Variants in GRIN2D observed in about 807,000 individuals in gnomAD.
GRIN2D encodes the protein glutamate ionotropic receptor NMDA type subunit 2D.
GRIN2D carries 37 observed loss-of-function variants against 103.2 expected under a neutral mutation model. That is an observed-to-expected ratio of 0.36 (90% CI 0.28 to 0.47). The LOEUF is 0.47. GRIN2D is among the 20% of genes least tolerant of loss of function. The probability of loss-of-function intolerance (pLI) is 1.00; values close to 1 mark genes in which losing one functional copy is unlikely to be tolerated. For missense variants in GRIN2D, 1,557 were observed against 1,910.6 expected (o/e 0.81, Z 3.45); for synonymous variants, 845 against 885.6 (o/e 0.95, Z 0.81).
At chr19:48,408,202 C>G (rs896727052) in intron 4 of GRIN2D, among the ~76,000 whole-genome samples, 14 of 151,784 alleles carry the variant, frequency 9.2e-5, no homozygotes, top group Admixed American at 8.5e-4. Context: ...GGCGTGGTGG[C>G]GGGCGCCTGT....
chr19:48,435,882 C>T (rs1024196510), intron 11 of GRIN2D, among the ~76,000 whole-genome samples: 1 of 152,210 alleles, frequency 6.6e-6, no homozygotes, highest in Non-Finnish European at 1.5e-5. Flanking sequence ...GTGCAATGCA[C>T]GGAATAAATG....
intron 4 of GRIN2D, among the ~76,000 whole-genome samples, chr19:48,412,714 G>T (rs996997483): frequency 6.6e-6 from 1 of 151,330 alleles, no homozygotes; most frequent in Non-Finnish European, 1.5e-5. Context: ...GCTTGAACCC[G>T]GGAGGCGGAG....
At position 48,393,674 on chromosome 19, in the gene GRIN2D, AG is replaced by A. The variant is rs1970591262; in HGVS notation, c.-499del. ...GGGACTGAATGTTAATCGCATCCCG[AG>A]TGAGTGTGTGTGTGCGAGAACACAG... On this transcript the variant is annotated 5_prime_UTR_variant, in exon 1 of 14. The change creates a new upstream start codon in the 5' untranslated region. Coordinates refer to ENST00000263269, the MANE Select transcript of GRIN2D (RefSeq NM_000836.4). This position sits in a 1 kb window ranked among gnomAD's most constrained non-coding sequence, Gnocchi z 5.6. Among the ~76,000 whole-genome samples, 3 of 149,590 alleles carry A rather than the reference AG, an allele frequency of 2.0e-5. No homozygotes were observed. The highest frequency in any genetic ancestry group is 2.0e-4 in the Admixed American group (3 of 15,166).
rs1365152338 is a variant in GRIN2D, at chr19:48,394,325, C to G, written c.-305-333C>G. 6.6e-6 allele frequency among the ~76,000 whole-genome samples: 1 copy of G among 150,974 alleles called. No individual in the cohort carries two copies. Among genetic ancestry groups the G allele is most frequent in the Non-Finnish European group, 1.5e-5 (1 of 67,784 alleles). The stretch of plus-strand genomic sequence containing the variant: ...GAGAGTGGGGGAGTCAAGGGGGGGT[C>G]TAGAGGTGGCCAAGCGAGGAAGGGG... On this transcript the variant is annotated intron_variant, in intron 1 of 13. Transcript: ENST00000263269. This position sits in a 1 kb window ranked among gnomAD's most constrained non-coding sequence, Gnocchi z 5.1.
At chr19:48,430,130 T>C (rs1053911846) in intron 11 of GRIN2D, among the ~76,000 whole-genome samples, 1 of 152,210 alleles carries the variant, frequency 6.6e-6, no homozygotes, top group Admixed American at 6.6e-5. Context: ...GTTATGACTA[T>C]GTAAATGCTC....
At chr19:48,416,528 T>C (rs540021399) in intron 8 of GRIN2D, among the ~76,000 whole-genome samples, 1 of 152,268 alleles carries the variant, frequency 6.6e-6, no homozygotes, top group Non-Finnish European at 1.5e-5. Context: ...TTTCCTGTAC[T>C]AGGTATGAGA....
chr19:48,441,738 T>C, intron 11 of GRIN2D, 31 bp from the exon 12 acceptor site: 2 of 1,583,896 alleles, frequency 1.3e-6, no homozygotes, highest in Middle Eastern at 1.7e-4. Flanking sequence ...TAGGTGGGAC[T>C]GACCCTACCC....
chr19:48,430,868 G>A (rs1321503876), intron 11 of GRIN2D, among the ~76,000 whole-genome samples: 4 of 143,196 alleles, frequency 2.8e-5, no homozygotes, highest in Admixed American at 2.2e-4. Context: ...CACTCAGGCT[G>A]GAGCACAGTG....
At position 48,443,913 on chromosome 19, in the gene GRIN2D, C is replaced by G; in HGVS notation, c.3987C>G (p.Phe1329Leu). The G allele has an allele frequency of 6.9e-7, 1 of 1,448,866 alleles. No individual in the cohort carries two copies. The highest frequency in any genetic ancestry group is 9.1e-7 in the Non-Finnish European group (1 of 1,103,684). The allele number at this position is 1,448,866 out of a possible 1,614,324, so 89.8% of individuals were successfully genotyped here. Residue 1329 changes from phenylalanine to leucine, a missense_variant, in exon 14 of 14, where the codon TTC (phenylalanine) becomes TTG (leucine). Phe to Leu is a conservative substitution (Grantham distance 22). Around this residue, in one of 7 missense-constraint regions of GRIN2D, gnomAD observed 88 missense variants for 84.3 expected, o/e 1.04. Coordinates refer to ENST00000263269, the MANE Select transcript of GRIN2D (RefSeq NM_000836.4). This position sits in a 1 kb window ranked among gnomAD's most constrained non-coding sequence, Gnocchi z 8.9. ...GCACCCGCAGGGGCTCGGCGCACTTCTCTAGCCTCGAGTCCGAGGTATGAC... is the reference window on the plus strand; with the variant it reads ...GCACCCGCAGGGGCTCGGCGCACTTGTCTAGCCTCGAGTCCGAGGTATGAC... ...DLGTRRGSAH[F>L]SSLESEV is the part of the protein sequence containing the mutation.
chr19:48,415,220 A>T (rs1240696447), intron 7 of GRIN2D, among the ~76,000 whole-genome samples, 188 bp downstream of exon 7: 1 of 151,558 alleles, frequency 6.6e-6, no homozygotes, highest in African/African-American at 2.4e-5. Flanking sequence ...AAATGCAAAA[A>T]ATTAGCCGTG....
chr19:48,411,253 A>AG (rs1216315741), intron 4 of GRIN2D, among the ~76,000 whole-genome samples: 4 of 151,834 alleles, frequency 2.6e-5, no homozygotes, highest in Non-Finnish European at 5.9e-5. Flanking sequence ...TGAGCCTGTG[A>AG]GGCAGAGGTT....
In GRIN2D at chr19:48,419,434, C is replaced by A. The variant is rs576368367; in HGVS notation, c.1861+75C>A. 4.0e-4 allele frequency: 612 copies of A among 1,531,252 alleles called. 8 individuals are homozygous for A. The highest frequency in any genetic ancestry group is 2.9e-3 in the South Asian group (242 of 83,458). 94.9% of individuals were successfully genotyped at this position (1,531,252 alleles called of 1,614,324 possible). On this transcript the variant is annotated intron_variant, in intron 9 of 13. Coordinates refer to ENST00000263269, the MANE Select transcript of GRIN2D (RefSeq NM_000836.4). ...GACAGAGAACTACATTTCCCAGCAG[C>A]CCCTGGAGGGGGGGCGGTCAAGCTA...
intron 9 of GRIN2D, 91 bp from the exon 10 acceptor site, chr19:48,419,494 C>T: frequency 7.3e-7 from 1 of 1,362,598 alleles, no homozygotes; most frequent in Non-Finnish European, 1.0e-6. Flanking sequence ...CCTTGAGGGC[C>T]ACTGGGAATT....
chr19:48,398,162 G>A (rs1301488064), intron 2 of GRIN2D, among the ~76,000 whole-genome samples: 7 of 148,334 alleles, frequency 4.7e-5, no homozygotes, highest in Admixed American at 4.0e-4. Context: ...CTCTCCCTCT[G>A]TCTCTCTCCC....
chr19:48,400,083 C>G (rs1167364035), intron 3 of GRIN2D, among the ~76,000 whole-genome samples: 2 of 152,174 alleles, frequency 1.3e-5, no homozygotes, highest in Non-Finnish European at 2.9e-5. Context: ...CAGGAGCCTG[C>G]TGGGAAGGGA....
intron 11 of GRIN2D, among the ~76,000 whole-genome samples, chr19:48,425,368 A>T (rs1971074999): frequency 6.6e-6 from 1 of 152,062 alleles, no homozygotes; most frequent in Non-Finnish European, 1.5e-5. Context: ...CAGCCTCCCG[A>T]GTATTTGGGA....
chr19:48,419,218 A>T lies in GRIN2D; in HGVS notation c.1736-16A>T. On this transcript the variant is annotated splice_polypyrimidine_tract_variant and intron_variant, in intron 8 of 13. Transcript: ENST00000263269. ...TTGCTTGGCTGAGCCATAACCACGC[A>T]CTCCCTTGTCCCCAGAGCCCTACAG... The T allele has an allele frequency of 6.3e-7, 1 of 1,593,146 alleles. No individual in the cohort carries two copies. Among genetic ancestry groups the T allele is most frequent in the Non-Finnish European group, 8.5e-7 (1 of 1,174,428 alleles).
At position 48,442,897 on chromosome 19, in the gene GRIN2D, C is replaced by T. The variant is rs1287831118; in HGVS notation, c.2971C>T (p.Pro991Ser). Residue 991 changes from proline (P) to serine (S), a missense_variant, in exon 14 of 14, where the codon CCG (proline) becomes TCG (serine). Around this residue, in one of 7 missense-constraint regions of GRIN2D, gnomAD observed 632 missense variants for 572.8 expected, o/e 1.10. Coordinates refer to ENST00000263269, the MANE Select transcript of GRIN2D (RefSeq NM_000836.4). The surrounding 1 kb of genome is among the most constrained non-coding windows in gnomAD (Gnocchi z 7.2). ...RAAPRGAAGR[P>S]LSPPAAQPPQ... ...GGCACCGCGGGGCGCAGCCGGGCGC[C>T]CGCTGTCCCCGCCGGCCGCTCAGCC... 17 of 1,097,086 alleles carry T rather than the reference C, an allele frequency of 1.5e-5. No homozygotes were observed. Among genetic ancestry groups the T allele is most frequent in the Non-Finnish European group, 1.8e-5 (16 of 904,766 alleles). 68.0% of individuals were successfully genotyped at this position (1,097,086 alleles called of 1,614,324 possible). A position where few individuals can be genotyped will look rare whatever the true frequency, so the allele number is the denominator to read the frequency against.
chr19:48,434,193 G>A (rs1428508175), intron 11 of GRIN2D, among the ~76,000 whole-genome samples: 4 of 151,890 alleles, frequency 2.6e-5, no homozygotes, highest in African/African-American at 7.3e-5. Flanking sequence ...CTCGTGATCC[G>A]CCTGCCTCCG....
Sources: allele counts gnomAD v4.1 joint callset (sites outside exome capture counted in the v4.1 genomes callset), GRCh38; gene constraint gnomAD v4.1.1; regional missense constraint gnomAD v4.1.1; non-coding constraint Gnocchi (gnomAD v3.1); transcripts MANE v1.5; gene names NCBI Gene and HGNC (gene_info 2026-07-23, HGNC 2026-07-21).